The following SEMA6D variants were observed in gnomAD, a reference collection of about 807,000 sequenced individuals.
SEMA6D encodes the protein semaphorin-6D.
A neutral mutation model predicts 106.6 loss-of-function variants in SEMA6D; 35 were observed. The ratio of observed to expected loss-of-function variants is 0.33; its 90% CI spans 0.25 to 0.44. SEMA6D has a LOEUF of 0.44. Ranked by LOEUF, SEMA6D falls within the 20% of genes least tolerant of loss-of-function variation. The pLI is 1.00. For missense variants in SEMA6D, 1,185 were observed against 1,345.9 expected (o/e 0.88, Z 1.87); for synonymous variants, 499 against 487.7 (o/e 1.02, Z -0.31).
At chr15:47,225,370 C>T (rs1043561781) in intron 1 of SEMA6D, among the ~76,000 whole-genome samples, 1 of 151,702 alleles carries the variant, frequency 6.6e-6, no homozygotes. Flanking sequence ...TTGTGGGATC[C>T]CATTGCTGTT....
At chr15:47,651,902 C>T (rs1448804781) in intron 4 of SEMA6D, among the ~76,000 whole-genome samples, 1 of 152,222 alleles carries the variant, frequency 6.6e-6, no homozygotes, top group Non-Finnish European at 1.5e-5. Context: ...TTATGCTTTA[C>T]AACAACCACA....
chr15:47,500,191 T>G (rs923345956), intron 3 of SEMA6D, among the ~76,000 whole-genome samples: 1 of 152,198 alleles, frequency 6.6e-6, no homozygotes, highest in Non-Finnish European at 1.5e-5. Flanking sequence ...GAGAAATCTC[T>G]GTTTAACAGA....
chr15:47,698,661 T>TA (rs2078748296), intron 4 of SEMA6D, among the ~76,000 whole-genome samples: 1 of 152,214 alleles, frequency 6.6e-6, no homozygotes, highest in African/African-American at 2.4e-5. Flanking sequence ...TTCACATATA[T>TA]AAAGTAGAAA....
At chr15:47,368,934 T>C (rs2039164785) in intron 1 of SEMA6D, among the ~76,000 whole-genome samples, 1 of 152,106 alleles carries the variant, frequency 6.6e-6, no homozygotes, top group East Asian at 1.9e-4. Flanking sequence ...TCCCTAATAA[T>C]CTGTGGGTTC....
chr15:47,585,203 C>T (rs2076316213), intron 3 of SEMA6D, among the ~76,000 whole-genome samples: 1 of 152,214 alleles, frequency 6.6e-6, no homozygotes, highest in South Asian at 2.1e-4. Flanking sequence ...AAAGGTCTTA[C>T]TTGACGTTTA....
At chr15:47,550,636 A>C (rs1477511161) in intron 3 of SEMA6D, among the ~76,000 whole-genome samples, 1 of 152,160 alleles carries the variant, frequency 6.6e-6, no homozygotes, top group African/African-American at 2.4e-5. Context: ...CCATCCATCC[A>C]TGTGGACTCA....
intron 1 of SEMA6D, among the ~76,000 whole-genome samples, chr15:47,327,397 C>T (rs1239510249): frequency 6.6e-6 from 1 of 152,128 alleles, no homozygotes; most frequent in Non-Finnish European, 1.5e-5. Context: ...TTATTAAAAT[C>T]CACAGTTGTG....
intron 2 of SEMA6D, among the ~76,000 whole-genome samples, chr15:47,457,903 G>GA (rs1032124158): frequency 2.0e-5 from 3 of 149,388 alleles, no homozygotes; most frequent in African/African-American, 7.4e-5. Flanking sequence ...GTAGCCAAAA[G>GA]AAAAAAAAAG....
intron 4 of SEMA6D, among the ~76,000 whole-genome samples, chr15:47,608,252 T>TA (rs2076822924): frequency 6.6e-6 from 1 of 152,236 alleles, no homozygotes; most frequent in Admixed American, 6.5e-5. Context: ...TACTGATTCA[T>TA]AAACTTCTTT....
chr15:47,660,235 A>T (rs1441320271), intron 4 of SEMA6D, among the ~76,000 whole-genome samples: 3 of 152,104 alleles, frequency 2.0e-5, no homozygotes, highest in African/African-American at 7.2e-5. Flanking sequence ...GTCACTTTGT[A>T]TGTGGTCATA....
chr15:47,512,243 C>T (rs1809030382), intron 3 of SEMA6D, among the ~76,000 whole-genome samples: 1 of 152,170 alleles, frequency 6.6e-6, no homozygotes, highest in African/African-American at 2.4e-5. Context: ...ATTTGCTGCA[C>T]CTTTCCCACA....
At chr15:47,526,644 C>T (rs2044766058) in intron 3 of SEMA6D, among the ~76,000 whole-genome samples, 1 of 152,176 alleles carries the variant, frequency 6.6e-6, no homozygotes, top group African/African-American at 2.4e-5. Flanking sequence ...CTTTTCTCCC[C>T]TGCCAGAAAT....
chr15:47,235,037 A>G (rs1306900530), intron 1 of SEMA6D, among the ~76,000 whole-genome samples: 3 of 152,002 alleles, frequency 2.0e-5, no homozygotes, highest in South Asian at 4.1e-4. Context: ...AATAATGGCC[A>G]TTCTGATTGG....
chr15:47,513,521 T>C (rs1310320757), intron 3 of SEMA6D, among the ~76,000 whole-genome samples: 1 of 152,136 alleles, frequency 6.6e-6, no homozygotes, highest in Non-Finnish European at 1.5e-5. Context: ...AATGGAGCCA[T>C]GTATTCCAGG....
chr15:47,337,943 A>G (rs561814161), intron 1 of SEMA6D, among the ~76,000 whole-genome samples: 7 of 152,196 alleles, frequency 4.6e-5, no homozygotes, highest in Non-Finnish European at 1.0e-4. Flanking sequence ...AGAACTCCTA[A>G]GGACCTGATG....
At chr15:47,523,177 C>T (rs551334063) in intron 3 of SEMA6D, among the ~76,000 whole-genome samples, 4 of 152,150 alleles carry the variant, frequency 2.6e-5, no homozygotes, top group South Asian at 2.1e-4. Context: ...CTTGGGAGGT[C>T]AGCCTCTCTG....
chr15:47,546,709 T>C (rs1034696532), intron 3 of SEMA6D, among the ~76,000 whole-genome samples: 17 of 151,844 alleles, frequency 1.1e-4, no homozygotes, highest in African/African-American at 3.9e-4. Flanking sequence ...CCCACCATGG[T>C]GGGGCGTGTA....
At chr15:47,524,020 C>T (rs1401860369) in intron 3 of SEMA6D, among the ~76,000 whole-genome samples, 1 of 152,182 alleles carries the variant, frequency 6.6e-6, no homozygotes, top group Non-Finnish European at 1.5e-5. Context: ...ATATGCCTGC[C>T]TCCTGACTTT....
At chr15:47,682,430 A>G (rs936257129) in intron 4 of SEMA6D, among the ~76,000 whole-genome samples, 1 of 151,664 alleles carries the variant, frequency 6.6e-6, no homozygotes, top group South Asian at 2.1e-4. Context: ...GCCTCCCAAA[A>G]TGCTGGGATT....
Sources: allele counts gnomAD v4.1 joint callset (sites outside exome capture counted in the v4.1 genomes callset), GRCh38; gene constraint gnomAD v4.1.1; transcripts MANE v1.5; gene names NCBI Gene and HGNC (gene_info 2026-07-23, HGNC 2026-07-21).